MAP3K15: variants seen among roughly 807,000 people sequenced by gnomAD.
MAP3K15 encodes MAPK/ERK kinase kinase 15.
Under a neutral mutation model 99.5 loss-of-function variants are expected in MAP3K15, and 124 were observed. The ratio of observed to expected loss-of-function variants is 1.25; its 90% confidence interval spans 1.08 to 1.45. The LOEUF (loss-of-function observed/expected upper bound fraction) is 1.45. Among genes scored for constraint, MAP3K15 ranks in the 40% most tolerant of loss-of-function variants. The pLI, the probability that MAP3K15 is intolerant of heterozygous loss-of-function variation, is 0.00. For missense variants in MAP3K15, 1,242 were observed against 1,079.7 expected (o/e 1.15, Z -2.11); for synonymous variants, 494 against 439.6 (o/e 1.12, Z -1.55).
intron 6 of MAP3K15, among the ~76,000 whole-genome samples, chrX:19,449,613 A>G (rs1225888918): frequency 9.2e-6 from 1 of 109,012 alleles, no homozygotes; most frequent in East Asian, 2.8e-4. Flanking sequence ...CCCCCATGAC[A>G]GAGAGTTATC....
chrX:19,426,143 T>C (rs1020589841), intron 8 of MAP3K15, 88 bp downstream of exon 8: 2 of 467,127 alleles, frequency 4.3e-6, no homozygotes, highest in Non-Finnish European at 6.7e-6. Context: ...AGAAATATAA[T>C]GATATAATGC....
At chrX:19,452,698 G>A (rs2064064578) in intron 6 of MAP3K15, among the ~76,000 whole-genome samples, 1 of 112,086 alleles carries the variant, frequency 8.9e-6, no homozygotes, top group African/African-American at 3.2e-5. Flanking sequence ...GAACCTTGAG[G>A]ACATTACACT....
At chrX:19,496,124 T>C (rs2064400362) in intron 1 of MAP3K15, among the ~76,000 whole-genome samples, 1 of 105,154 alleles carries the variant, frequency 9.5e-6, no homozygotes, top group South Asian at 4.5e-4. Flanking sequence ...TGGAGTGCAG[T>C]GGCATGATCT....
chrX:19,498,035 G>A (rs2064418230), intron 1 of MAP3K15, among the ~76,000 whole-genome samples: 1 of 111,784 alleles, frequency 8.9e-6, no homozygotes, highest in Non-Finnish European at 1.9e-5. Context: ...TTTAAATAAT[G>A]TATAAAAAGA....
chrX:19,397,370 A>C (rs1406789515), intron 15 of MAP3K15, among the ~76,000 whole-genome samples: 1 of 112,118 alleles, frequency 8.9e-6, no homozygotes, highest in Non-Finnish European at 1.9e-5. Context: ...ATTTTCCACA[A>C]TGATGCATCT....
Position 19,424,283 on chromosome X carries a change from C to T in MAP3K15, c.1439+1248G>A, listed in dbSNP as rs796088097. On this transcript the variant is annotated intron_variant, in intron 9 of 28. Coordinates refer to ENST00000338883, the MANE Select transcript of MAP3K15 (RefSeq NM_001001671.4). ...ATATATATACACACATATATACACACATATATATACACATATATATACACA... is the reference window on the plus strand; with the variant it reads ...ATATATATACACACATATATACACATATATATATACACATATATATACACA... Among the ~76,000 whole-genome samples the T allele has an allele frequency of 3.9e-4, 37 of 94,830 alleles. No homozygotes were observed. The Middle Eastern group carries it at 0.027, about 70-fold the overall frequency. The allele number at this position is 94,830 out of a possible 115,157, so 82.3% of individuals were successfully genotyped here. A position where few individuals can be genotyped will look rare whatever the true frequency, so the allele number is the denominator to read the frequency against.
Position 19,374,608 on chromosome X carries a change from G to A in MAP3K15, c.2642C>T (p.Ala881Val). Residue 881 changes from alanine to valine, a missense_variant, in exon 20 of 29, where the codon GCC becomes GTC. Physicochemically the swap from Ala to Val is moderately conservative, Grantham distance 64 (BLOSUM62 0). Transcript: ENST00000338883. Reference protein sequence around the residue: ...PEIPEALSAEARAFILSCFEP... With the variant: ...PEIPEALSAEVRAFILSCFEP... ...GAAACAGGATAAAATGAAGGCTCGGGCTTCAGCTGAAAGGGCTTCTGGAAT... is the reference window on the plus strand; with the variant it reads ...GAAACAGGATAAAATGAAGGCTCGGACTTCAGCTGAAAGGGCTTCTGGAAT... 5.8e-6 allele frequency: 7 copies of A among 1,211,429 alleles called. No homozygotes were observed. The highest frequency in any genetic ancestry group is 7.8e-6 in the Non-Finnish European group (7 of 895,268).
intron 13 of MAP3K15, among the ~76,000 whole-genome samples, chrX:19,401,984 C>T (rs1346943508): frequency 8.9e-6 from 1 of 111,944 alleles, no homozygotes; most frequent in Non-Finnish European, 1.9e-5. Flanking sequence ...CACAGAACAA[C>T]TAAGATTTAA....
chrX:19,485,665 C>T (rs1179050809), intron 3 of MAP3K15, among the ~76,000 whole-genome samples: 1 of 111,011 alleles, frequency 9.0e-6, no homozygotes, highest in African/African-American at 3.3e-5. Context: ...CCTTTTCTCC[C>T]TCTCCTAGGA....
intron 3 of MAP3K15, among the ~76,000 whole-genome samples, chrX:19,469,254 C>G (rs1232805911): frequency 9.0e-6 from 1 of 111,516 alleles, no homozygotes; most frequent in East Asian, 2.8e-4. Flanking sequence ...CGCATAGCTA[C>G]AACTATCTGA....
intron 7 of MAP3K15, among the ~76,000 whole-genome samples, chrX:19,428,038 A>C (rs2063846269): frequency 9.0e-6 from 1 of 111,605 alleles, no homozygotes; most frequent in Non-Finnish European, 1.9e-5. Context: ...TTGCTCCTCC[A>C]GAAGTCAAGC....
At chrX:19,403,483 G>T (rs1377244980) in intron 13 of MAP3K15, among the ~76,000 whole-genome samples, 1 of 92,616 alleles carries the variant, frequency 1.1e-5, no homozygotes, top group East Asian at 3.2e-4. Flanking sequence ...TTTTTTGACA[G>T]GATCTTGCTC....
At chrX:19,486,778 C>A (rs1414073414) in intron 2 of MAP3K15, among the ~76,000 whole-genome samples, 1 of 111,440 alleles carries the variant, frequency 9.0e-6, no homozygotes, top group African/African-American at 3.3e-5. Flanking sequence ...ATAAGGATTT[C>A]CCCAGAACAG....
At chrX:19,502,494 TC>T (rs1376106439) in intron 1 of MAP3K15, among the ~76,000 whole-genome samples, 1 of 111,121 alleles carries the variant, frequency 9.0e-6, no homozygotes, top group African/African-American at 3.3e-5. Flanking sequence ...TCCTAAGCCC[TC>T]CCCAGCCATG....
rs200274989 is a variant in MAP3K15, at chrX:19,425,607, C to T, written c.1363G>A (p.Val455Ile). Residue 455 changes from valine to isoleucine, a missense_variant, in exon 9 of 29, where the codon GTC becomes ATC. By Grantham distance (29) the Val-to-Ile change is conservative. Coordinates refer to ENST00000338883, the MANE Select transcript of MAP3K15 (RefSeq NM_001001671.4). ...CCGACATCATGGGCCAGCATGCTGACGCTGAAGAACTGACCCACATCCCAG... is the reference window on the plus strand; with the variant it reads ...CCGACATCATGGGCCAGCATGCTGATGCTGAAGAACTGACCCACATCCCAG... ...NYWDVGQFFS[V>I]SMLAHDVGKA... 1,134 of 1,197,512 alleles carry T rather than the reference C, an allele frequency of 9.5e-4. No homozygotes were observed. The highest frequency in any genetic ancestry group is 1.1e-3 in the Non-Finnish European group (959 of 894,125).
At chrX:19,476,434 A>G (rs1016564673) in intron 3 of MAP3K15, among the ~76,000 whole-genome samples, 1 of 112,130 alleles carries the variant, frequency 8.9e-6, no homozygotes, top group South Asian at 3.7e-4. Context: ...TGGATTTTTT[A>G]TATTATTTCA....
chrX:19,387,378 G>C (rs899249028), intron 18 of MAP3K15, among the ~76,000 whole-genome samples: 6 of 111,603 alleles, frequency 5.4e-5, no homozygotes, highest in African/African-American at 2.0e-4. Context: ...TCTTTTATTT[G>C]TATTATTTAT....
rs188639953 is a variant in MAP3K15, at chrX:19,487,072, A to G, written c.502-567T>C. Among the ~76,000 whole-genome samples the G allele has an allele frequency of 7.6e-5, 7 of 92,683 alleles. No individual in the cohort carries two copies. In the East Asian group the frequency reaches 2.3e-3, roughly 30 times the overall value. 80.5% of individuals were successfully genotyped at this position (92,683 alleles called of 115,157 possible). On this transcript the variant is annotated intron_variant, in intron 2 of 28. Transcript: ENST00000338883. The stretch of plus-strand genomic sequence containing the variant: ...GACAACAATTCTAGTCAGTAAATTT[A>G]GTATGATAATTAGGCAGCCTTTGAC...
intron 4 of MAP3K15, 43 bp from the exon 5 acceptor site, chrX:19,460,196 G>T: frequency 9.9e-7 from 1 of 1,008,503 alleles, no homozygotes; most frequent in African/African-American, 1.9e-5. Context: ...ACATCTGCAC[G>T]CACCCAGGAC....
Sources: gnomAD v4.1 joint callset for allele counts (sites outside exome capture counted in the v4.1 genomes callset) on GRCh38, gnomAD v4.1.1 for gene constraint, MANE v1.5 for transcripts, NCBI Gene and HGNC (gene_info 2026-07-23, HGNC 2026-07-21) for gene names.